Variants in CD2 observed in about 807,000 individuals in gnomAD.
The protein encoded by CD2 is T-cell surface antigen CD2.
In CD2, 18 loss-of-function variants were observed where a neutral mutation model predicts 23.2. The ratio of observed to expected loss-of-function variants is 0.77; its 90% CI spans 0.54 to 1.15. The LOEUF is 1.15. CD2 is among the 50% of genes most tolerant of loss of function. The pLI is 0.00. For synonymous variants in CD2, 162 were observed against 151.9 expected (o/e 1.07, Z -0.49); for missense variants, 424 against 423.1 (o/e 1.00, Z -0.02).
intron 2 of CD2, among the ~76,000 whole-genome samples, chr1:116,755,349 T>A (rs1258026925): frequency 6.6e-6 from 1 of 152,154 alleles, no homozygotes; most frequent in Non-Finnish European, 1.5e-5. Context: ...GGGCCTTTCA[T>A]CGACAGAGCC....
At chr1:116,758,410 T>G (rs1651930256) in intron 2 of CD2, among the ~76,000 whole-genome samples, 1 of 152,076 alleles carries the variant, frequency 6.6e-6, no homozygotes. Context: ...TCTTCCTCTC[T>G]GTCTCCAGCC....
At chr1:116,766,488 C>A (rs1000544056) in intron 4 of CD2, among the ~76,000 whole-genome samples, 13 of 152,182 alleles carry the variant, frequency 8.5e-5, no homozygotes, top group Non-Finnish European at 1.2e-4. Flanking sequence ...TTCCTGAGGA[C>A]AATTTGTGTC....
chr1:116,758,324 G>A (rs934302486), intron 2 of CD2, among the ~76,000 whole-genome samples: 10 of 152,056 alleles, frequency 6.6e-5, no homozygotes, highest in Admixed American at 3.3e-4. Context: ...CATGAGCACA[G>A]GCCAGCCATT....
intron 2 of CD2, among the ~76,000 whole-genome samples, chr1:116,759,341 A>G (rs1052488014): frequency 2.0e-5 from 3 of 152,128 alleles, no homozygotes. Flanking sequence ...GGAATCATTG[A>G]AAAATAAGCT....
chr1:116,766,696 A>T (rs1469623471), intron 4 of CD2, among the ~76,000 whole-genome samples: 1 of 141,672 alleles, frequency 7.1e-6, no homozygotes, highest in Admixed American at 6.8e-5. Flanking sequence ...TCTCTACTTT[A>T]AAAAAAAAAC....
intron 3 of CD2, among the ~76,000 whole-genome samples, chr1:116,762,499 G>A (rs1237619700): frequency 6.6e-6 from 1 of 152,126 alleles, no homozygotes; most frequent in Admixed American, 6.5e-5. Context: ...TAGGGTGGAG[G>A]AGCTGCTCTT....
chr1:116,755,275 C>G (rs1003146322), intron 2 of CD2, among the ~76,000 whole-genome samples: 1 of 152,156 alleles, frequency 6.6e-6, no homozygotes, highest in Non-Finnish European at 1.5e-5. Flanking sequence ...GCAACTGTTC[C>G]AGGTTGCTGA....
chr1:116,762,993 C>A (rs1652103120), intron 3 of CD2, among the ~76,000 whole-genome samples: 1 of 152,232 alleles, frequency 6.6e-6, no homozygotes, highest in African/African-American at 2.4e-5. Flanking sequence ...GCATTTCAGG[C>A]CTGCCCTGCC....
In CD2 at chr1:116,763,872, G is replaced by A. The variant is rs116335712; in HGVS notation, c.614-612G>A. On this transcript the variant is annotated intron_variant, in intron 3 of 4. Transcript: ENST00000369478. ...CGCACTGTGCACCCGGGTTTCTCTC[G>A]TGGCTCCAGGGAAACTCTGTGAGAG... 7.8e-3 allele frequency among the ~76,000 whole-genome samples: 1,181 copies of A among 152,218 alleles called. 9 individuals are homozygous for A. Among genetic ancestry groups the A allele is most frequent in the African/African-American group, 0.027 (1,125 of 41,532 alleles).
At chr1:116,764,152 T>C (rs1236651833) in intron 3 of CD2, among the ~76,000 whole-genome samples, 1 of 152,126 alleles carries the variant, frequency 6.6e-6, no homozygotes, top group Non-Finnish European at 1.5e-5. Flanking sequence ...AGAGGTTGCA[T>C]TTAGAGTATC....
chr1:116,755,081 T>A (rs1287147855), intron 2 of CD2, 130 bp downstream of exon 2: 2 of 655,290 alleles, frequency 3.1e-6, no homozygotes, highest in East Asian at 5.4e-5. Context: ...ACCAGATGCA[T>A]GTCTCCTGCC....
intron 4 of CD2, among the ~76,000 whole-genome samples, chr1:116,765,459 C>T (rs187970092): frequency 5.3e-5 from 8 of 152,292 alleles, no homozygotes; most frequent in East Asian, 1.9e-4. Context: ...CCTTGGGCCC[C>T]GTGCCCTCTG....
chr1:116,762,115 T>C (rs798041), intron 3 of CD2, among the ~76,000 whole-genome samples: 70,572 of 152,098 alleles, frequency 0.46, 17,292 homozygotes, highest in African/African-American at 0.63. Context: ...TAGGCATGAG[T>C]CACTGCAGTG....
At position 116,754,706 on chromosome 1, in the gene CD2, C is replaced by T. The variant is rs752907362; in HGVS notation, c.137C>T (p.Pro46Leu). The change falls in exon 2 of 5, where the codon CCT (proline) becomes CTT (leucine). Residue 46 changes from proline to leucine, a missense_variant. Pro to Leu is a moderately conservative substitution (Grantham distance 98). Coordinates refer to ENST00000369478, the MANE Select transcript of CD2 (RefSeq NM_001767.5). The part of the protein sequence containing the change: ...ALGQDINLDI[P>L]SFQMSDDIDD... ...GGTCAGGACATCAACTTGGACATTC[C>T]TAGTTTTCAAATGAGTGATGATATT... is the stretch of plus-strand genomic sequence containing the variant. 1.9e-6 allele frequency: 3 copies of T among 1,612,752 alleles called. No homozygotes were observed. The East Asian group carries it at 6.7e-5, about 36-fold the overall frequency.
At chr1:116,764,708 AGGTAGTTTC>A in intron 4 of CD2, 102 bp downstream of exon 4, 1 of 884,888 alleles carries the variant, frequency 1.1e-6, no homozygotes, top group Non-Finnish European at 1.8e-6. Context: ...TGATGGAAAT[AGGTAGTTTC>A]GGAATGTCAG....
chr1:116,760,331 T>C, intron 2 of CD2, 71 bp from the exon 3 acceptor site: 1 of 1,206,512 alleles, frequency 8.3e-7, no homozygotes, highest in Non-Finnish European at 1.2e-6. Context: ...CATCCCCCAC[T>C]GTATAAATAG....
chr1:116,768,611 A>T lies in CD2; in HGVS notation c.884A>T (p.His295Leu). ...PPGHRSQAPS[H>L]RPPPPGHRVQ... ...GGTCATCGTTCCCAGGCACCTAGTC[A>T]TCGTCCCCCGCCTCCTGGACACCGT... The change falls in exon 5 of 5, where the codon CAT becomes CTT. Residue 295 changes from histidine (H) to leucine (L), a missense_variant. Coordinates refer to ENST00000369478, the MANE Select transcript of CD2 (RefSeq NM_001767.5). 2 of 1,613,922 alleles carry T rather than the reference A, an allele frequency of 1.2e-6. No homozygotes were observed. Among genetic ancestry groups the T allele is most frequent in the African/African-American group, 1.3e-5 (1 of 74,946 alleles).
chr1:116,755,529 T>G (rs1440381325), intron 2 of CD2, among the ~76,000 whole-genome samples: 4 of 152,242 alleles, frequency 2.6e-5, no homozygotes, highest in Non-Finnish European at 4.4e-5. Context: ...TGGCTTTGTA[T>G]ATCTCTGCCT....
chr1:116,755,224 G>A (rs1285289608), intron 2 of CD2, among the ~76,000 whole-genome samples: 1 of 152,188 alleles, frequency 6.6e-6, no homozygotes, highest in Non-Finnish European at 1.5e-5. Context: ...GATTAAGGTG[G>A]CATTAATCGG....
Sources: allele counts gnomAD v4.1 joint callset (sites outside exome capture counted in the v4.1 genomes callset), GRCh38; gene constraint gnomAD v4.1.1; transcripts MANE v1.5; gene names NCBI Gene and HGNC (gene_info 2026-07-23, HGNC 2026-07-21).